TACC2: variants seen among roughly 807,000 people sequenced by gnomAD.
The protein encoded by TACC2 is transforming acidic coiled-coil-containing protein 2.
TACC2 carries 137 observed loss-of-function variants against 227.3 expected under a neutral mutation model. That is an observed-to-expected ratio of 0.60 (90% CI 0.52 to 0.69). The LOEUF is 0.69. Ranked by LOEUF, TACC2 falls within the 30% of genes least tolerant of loss-of-function variation. TACC2 has a pLI of 0.00. For missense variants in TACC2, 3,470 were observed against 3,694.4 expected, an observed-to-expected ratio of 0.94 and a Z score of 1.57; for synonymous variants, 1,523 against 1,487.5, an observed-to-expected ratio of 1.02 and a Z score of -0.55.
chr10:122,095,807 G>A (rs2081319406), intron 5 of TACC2, among the ~76,000 whole-genome samples: 1 of 151,850 alleles, frequency 6.6e-6, no homozygotes, highest in Admixed American at 6.6e-5. Context: ...TACAGTCGCT[G>A]CTGGCCACAG....
At chr10:122,230,562 T>C in intron 16 of TACC2, 122 bp downstream of exon 16, 1 of 838,192 alleles carries the variant, frequency 1.2e-6, no homozygotes, top group Non-Finnish European at 2.0e-6. Flanking sequence ...AAGAGTCGTT[T>C]CCAAAAAGCT....
intron 8 of TACC2, among the ~76,000 whole-genome samples, chr10:122,202,810 TC>T (rs1225452553): frequency 6.6e-6 from 1 of 150,470 alleles, no homozygotes; most frequent in Non-Finnish European, 1.5e-5. Context: ...CCTGCGGCCT[TC>T]CGCAGTGTTT....
chr10:122,103,270 A>T (rs569597596), intron 5 of TACC2, among the ~76,000 whole-genome samples: 2 of 152,184 alleles, frequency 1.3e-5, no homozygotes, highest in Non-Finnish European at 2.9e-5. Context: ...TAGACTGGTT[A>T]GGAGTTTGAG....
At chr10:122,140,797 C>T (rs2139141794) in intron 6 of TACC2, among the ~76,000 whole-genome samples, 1 of 152,318 alleles carries the variant, frequency 6.6e-6, no homozygotes, top group East Asian at 1.9e-4. Context: ...CCCCTACCTG[C>T]TTACTCGCTT....
intron 6 of TACC2, among the ~76,000 whole-genome samples, chr10:122,143,278 C>G (rs1259311337): frequency 6.6e-6 from 1 of 152,122 alleles, no homozygotes; most frequent in Admixed American, 6.5e-5. Flanking sequence ...AACGAGAAAA[C>G]TCACATAGCG....
Position 122,249,653 on chromosome 10 carries a change from C to T in TACC2, c.8770C>T (p.Leu2924=). ...GCGAGTGGACGCCCTGGAAAGGACGCTGGAGCAGAAGGTAATAGGGGAGGG... is the reference window on the plus strand; with the variant it reads ...GCGAGTGGACGCCCTGGAAAGGACGTTGGAGCAGAAGGTAATAGGGGAGGG... ...QLRVDALERT[L]EQKNKEIEEL... The change falls in exon 22 of 23, where the codon CTG becomes TTG. Residue 2924 remains leucine (L), a synonymous_variant. Transcript: ENST00000369005. 1 of 1,613,472 alleles carries T rather than the reference C, an allele frequency of 6.2e-7. No homozygotes were observed. The highest frequency in any genetic ancestry group is 8.5e-7 in the Non-Finnish European group (1 of 1,179,714).
chr10:122,216,712 C>G lies in TACC2; in HGVS notation c.7430C>G (p.Thr2477Ser). Reference sequence around the variant, plus strand: ...ACAGATGAGGAAAAGCTGGCGGTCACCAACCAGAAGTGGACGTGCATGACA... The same window carrying G: ...ACAGATGAGGAAAAGCTGGCGGTCAGCAACCAGAAGTGGACGTGCATGACA... ...HATDEEKLAV[T>S]NQKWTCMTVD... The change falls in exon 11 of 23, where the codon ACC becomes AGC. Residue 2477 changes from threonine (T) to serine (S), a missense_variant. Thr to Ser is a moderately conservative substitution (Grantham distance 58, BLOSUM62 1). Coordinates refer to ENST00000369005, the MANE Select transcript of TACC2 (RefSeq NM_206862.4). The G allele has an allele frequency of 3.1e-6, 5 of 1,614,120 alleles. No homozygotes were observed. The South Asian group carries it at 5.5e-5, about 18-fold the overall frequency.
At chr10:122,016,516 G>C (rs543740752) in intron 1 of TACC2, among the ~76,000 whole-genome samples, 93 of 149,534 alleles carry the variant, frequency 6.2e-4, no homozygotes, top group African/African-American at 2.2e-3. Context: ...GCAGTGAGCC[G>C]AGATTGCACC....
At chr10:122,057,822 G>A (rs1415466432) in intron 3 of TACC2, among the ~76,000 whole-genome samples, 4 of 151,964 alleles carry the variant, frequency 2.6e-5, no homozygotes, top group East Asian at 3.9e-4. Context: ...GTGAAACTCC[G>A]TCTCAAAAAA....
At chr10:122,078,195 CAAAAAAAAA>C (rs1175837364) in intron 3 of TACC2, among the ~76,000 whole-genome samples, 2 of 37,656 alleles carry the variant, frequency 5.3e-5, no homozygotes, top group East Asian at 9.3e-4. Context: ...ACTCCATCTC[CAAAAAAAAA>C]AAAAAAAAAA....
At chr10:122,223,639 A>G (rs540686142) in intron 11 of TACC2, among the ~76,000 whole-genome samples, 17 of 152,180 alleles carry the variant, frequency 1.1e-4, no homozygotes, top group Non-Finnish European at 1.8e-4. Context: ...TGCAGGTTTT[A>G]TGAAAGTCCT....
chr10:122,198,997 G>A (rs1776423174), intron 8 of TACC2, among the ~76,000 whole-genome samples: 1 of 152,250 alleles, frequency 6.6e-6, no homozygotes, highest in African/African-American at 2.4e-5. Flanking sequence ...CATTCTGACA[G>A]TTGCCCACCT....
rs534778983 is a variant in TACC2, at chr10:122,200,996, C to T, written c.5971+5820C>T. Among the ~76,000 whole-genome samples the T allele has an allele frequency of 8.5e-3, 918 of 107,930 alleles. 22 individuals are homozygous for T. Among genetic ancestry groups the T allele is most frequent in the Middle Eastern group, 0.016 (2 of 122 alleles). The allele number at this position is 107,930 out of a possible 152,430, so 70.8% of individuals were successfully genotyped here. The stretch of plus-strand genomic sequence containing the variant: ...ACAGTGAGAGGACGGCCACCTCACC[C>T]GCCCAGAGTGGCCACATCTACAGTG... On this transcript the variant is annotated intron_variant, in intron 8 of 22. Coordinates refer to ENST00000369005, the MANE Select transcript of TACC2 (RefSeq NM_206862.4).
rs9420341 is a variant in TACC2, at chr10:122,028,341, C to T, written c.33+6327C>T. 3.3e-3 allele frequency among the ~76,000 whole-genome samples: 504 copies of T among 152,160 alleles called. 3 individuals are homozygous for T. The highest frequency in any genetic ancestry group is 0.012 in the African/African-American group (479 of 41,534). ...CTGACCTCAGGTGATCAGCCTGTCT[C>T]GGCCTCCCAAAGTGTTGGGATTACA... On this transcript the variant is annotated intron_variant, in intron 2 of 22. Coordinates refer to ENST00000369005, the MANE Select transcript of TACC2 (RefSeq NM_206862.4).
intron 7 of TACC2, among the ~76,000 whole-genome samples, chr10:122,172,063 CAT>C (rs1490590738): frequency 6.6e-6 from 1 of 152,150 alleles, no homozygotes; most frequent in Non-Finnish European, 1.5e-5. Context: ...GTTGGACAAA[CAT>C]GTGGGCTCTC....
At chr10:122,213,657 T>G (rs993455623) in intron 9 of TACC2, among the ~76,000 whole-genome samples, 15 of 152,274 alleles carry the variant, frequency 9.9e-5, no homozygotes, top group African/African-American at 3.6e-4. Context: ...GCATATTGGA[T>G]GTCTTCATCT....
At chr10:122,137,695 T>C (rs897433878) in intron 6 of TACC2, among the ~76,000 whole-genome samples, 1 of 152,164 alleles carries the variant, frequency 6.6e-6, no homozygotes, top group African/African-American at 2.4e-5. Flanking sequence ...TGCATCAGAA[T>C]CACCTGCTGA....
intron 5 of TACC2, among the ~76,000 whole-genome samples, chr10:122,108,163 T>A (rs1458916275): frequency 3.3e-5 from 5 of 151,930 alleles, no homozygotes; most frequent in South Asian, 4.2e-4. Flanking sequence ...AGTGCTGAGA[T>A]TACAGGCGTG....
intron 18 of TACC2, among the ~76,000 whole-genome samples, chr10:122,238,565 T>C (rs1266484590): frequency 6.6e-6 from 1 of 152,180 alleles, no homozygotes; most frequent in African/African-American, 2.4e-5. Context: ...TTCTCCTGCC[T>C]CAGCCACCCA....
Sources: gnomAD v4.1 joint callset for allele counts (sites outside exome capture counted in the v4.1 genomes callset) on GRCh38, gnomAD v4.1.1 for gene constraint, MANE v1.5 for transcripts, NCBI Gene and HGNC (gene_info 2026-07-23, HGNC 2026-07-21) for gene names.